Variants in DAB1 observed in about 807,000 individuals in gnomAD.
DAB1 encodes the protein DAB adaptor protein 1.
DAB1 carries 15 observed loss-of-function variants against 64.6 expected under a neutral mutation model. That is an observed-to-expected ratio of 0.23 (90% CI 0.16 to 0.36). DAB1 has a LOEUF of 0.36. Among genes scored for constraint, DAB1 ranks in the 10% least tolerant of loss-of-function variants. DAB1 has a pLI of 1.00. For missense variants in DAB1, 596 were observed against 706.7 expected, an observed-to-expected ratio of 0.84 and a Z score of 1.78; for synonymous variants, 235 against 251.9, an observed-to-expected ratio of 0.93 and a Z score of 0.64.
At chr1:57,933,217 T>C (rs1284520024) in intron 5 of DAB1, among the ~76,000 whole-genome samples, 4 of 152,260 alleles carry the variant, frequency 2.6e-5, no homozygotes, top group Admixed American at 2.6e-4. Context: ...ATGCTGGCCC[T>C]GGTTCCAGTG....
At chr1:57,100,560 T>C (rs17115023) in intron 4 of DAB1, among the ~76,000 whole-genome samples, 1 of 152,098 alleles carries the variant, frequency 6.6e-6, no homozygotes, top group African/African-American at 2.4e-5. Flanking sequence ...TAAACTGTAA[T>C]GCAAATGCTG....
At chr1:58,415,285 GT>G (rs1355280727) in intron 3 of DAB1, 21 of 160,382 alleles carry the variant, frequency 1.3e-4, no homozygotes, top group Non-Finnish European at 1.3e-5. Flanking sequence ...CTCCAGAACT[GT>G]GAGAAATAAA....
intron 1 of DAB1, among the ~76,000 whole-genome samples, chr1:57,303,051 G>T (rs1160127510): frequency 6.6e-6 from 1 of 152,202 alleles, no homozygotes; most frequent in Non-Finnish European, 1.5e-5. Flanking sequence ...CTTCCCCAAA[G>T]ATGCTCAAGC....
At chr1:57,974,072 CCTT>C (rs1477527102) in intron 5 of DAB1, among the ~76,000 whole-genome samples, 1 of 152,106 alleles carries the variant, frequency 6.6e-6, no homozygotes, top group African/African-American at 2.4e-5. Context: ...GGCACACTAG[CCTT>C]CTTTCTGCTC....
intron 5 of DAB1, among the ~76,000 whole-genome samples, chr1:57,952,116 C>CG (rs1553146923): frequency 1.3e-5 from 2 of 149,834 alleles, no homozygotes; most frequent in Non-Finnish European, 3.0e-5. Context: ...CTTCTATGAC[C>CG]TTTTTTTTTT....
intron 7 of DAB1, among the ~76,000 whole-genome samples, chr1:57,621,623 GC>G (rs909367657): frequency 1.1e-4 from 16 of 152,060 alleles, no homozygotes; most frequent in Admixed American, 1.0e-3. Flanking sequence ...CCTCACACCT[GC>G]GCCTCTGGAT....
intron 2 of DAB1, among the ~76,000 whole-genome samples, chr1:57,172,859 T>C (rs1166952702): frequency 3.9e-5 from 6 of 151,918 alleles, no homozygotes; most frequent in Non-Finnish European, 8.8e-5. Context: ...TTTGGAGGGG[T>C]CAAACATCCA....
intron 9 of DAB1, among the ~76,000 whole-genome samples, chr1:57,054,252 G>A (rs1470411590): frequency 2.6e-5 from 4 of 152,074 alleles, no homozygotes; most frequent in Non-Finnish European, 5.9e-5. Flanking sequence ...CATTAAAACA[G>A]TTGTCTGTGA....
intron 6 of DAB1, among the ~76,000 whole-genome samples, chr1:57,722,261 A>T (rs1647160567): frequency 6.6e-6 from 1 of 152,246 alleles, no homozygotes; most frequent in Non-Finnish European, 1.5e-5. Context: ...TGCTGAACTT[A>T]GTGCTAAGTC....
At chr1:57,289,548 T>C (rs1279667536) in intron 2 of DAB1, among the ~76,000 whole-genome samples, 2 of 152,214 alleles carry the variant, frequency 1.3e-5, no homozygotes, top group Non-Finnish European at 2.9e-5. Flanking sequence ...TATTTGTGTT[T>C]CAAATAAACA....
intron 4 of DAB1, among the ~76,000 whole-genome samples, chr1:58,232,282 T>C (rs568559247): frequency 6.6e-6 from 1 of 152,176 alleles, no homozygotes; most frequent in African/African-American, 2.4e-5. Context: ...AGTGCTGAAC[T>C]TGGATGGAAC....
chr1:57,632,215 G>A (rs11589769), intron 7 of DAB1, among the ~76,000 whole-genome samples: 9,384 of 152,284 alleles, frequency 0.062, 406 homozygotes, highest in Non-Finnish European at 0.09. Context: ...CTGCATAGGC[G>A]TGGAACTTGG....
At chr1:58,130,279 C>A (rs1401579392) in intron 5 of DAB1, among the ~76,000 whole-genome samples, 19 of 122,262 alleles carry the variant, frequency 1.6e-4, no homozygotes, top group African/African-American at 2.2e-4. Flanking sequence ...AGGATTGCAA[C>A]CCCTGCCTTT....
intron 5 of DAB1, chr1:58,056,573 C>T: frequency 1.4e-6 from 1 of 740,734 alleles, no homozygotes; most frequent in Non-Finnish European, 2.4e-6. Context: ...CATTTTCTGG[C>T]TCTCAGGCTC....
At chr1:58,124,535 G>A (rs947995458) in intron 5 of DAB1, among the ~76,000 whole-genome samples, 4 of 152,130 alleles carry the variant, frequency 2.6e-5, no homozygotes, top group Admixed American at 6.5e-5. Flanking sequence ...TTTGATATCT[G>A]CTTTTTTATT....
At chr1:57,429,895 A>G (rs1392835431) in intron 7 of DAB1, among the ~76,000 whole-genome samples, 1 of 152,132 alleles carries the variant, frequency 6.6e-6, no homozygotes, top group Non-Finnish European at 1.5e-5. Flanking sequence ...CTATTGCTTT[A>G]TAATATACTT....
chr1:58,039,157 A>G (rs1647094107), intron 5 of DAB1, among the ~76,000 whole-genome samples: 1 of 152,158 alleles, frequency 6.6e-6, no homozygotes. Context: ...AGAGATAGTA[A>G]CAAACTCTCT....
At chr1:58,540,557 G>T (rs1646590338) in intron 1 of DAB1, among the ~76,000 whole-genome samples, 1 of 150,242 alleles carries the variant, frequency 6.7e-6, no homozygotes, top group Non-Finnish European at 1.5e-5. Flanking sequence ...TTCTTTAAAA[G>T]ACCTAAACTT....
intron 4 of DAB1, among the ~76,000 whole-genome samples, chr1:58,288,371 T>C (rs1413493207): frequency 6.6e-6 from 1 of 152,182 alleles, no homozygotes; most frequent in Non-Finnish European, 1.5e-5. Context: ...CACAATGGTA[T>C]AATGAAATGG....
Sources: gnomAD v4.1 joint callset for allele counts (sites outside exome capture counted in the v4.1 genomes callset) on GRCh38, gnomAD v4.1.1 for gene constraint, MANE v1.5 for transcripts, NCBI Gene and HGNC (gene_info 2026-07-23, HGNC 2026-07-21) for gene names.